Variants in PCCA observed in about 807,000 individuals in gnomAD.
The protein encoded by PCCA is propionyl-CoA carboxylase alpha chain, mitochondrial.
PCCA carries 74 observed loss-of-function variants against 101.3 expected under a neutral mutation model. That is an observed-to-expected ratio of 0.73 (90% CI 0.61 to 0.89). The LOEUF is 0.89. Ranked by LOEUF, PCCA falls within the 40% of genes least tolerant of loss-of-function variation. The pLI, the probability that PCCA is intolerant of heterozygous loss-of-function variation, is 0.00. For missense variants in PCCA, 891 were observed against 907.0 expected (o/e 0.98, Z 0.23); for synonymous variants, 294 against 313.6 (o/e 0.94, Z 0.66).
intron 12 of PCCA, among the ~76,000 whole-genome samples, chr13:100,278,153 CTAAG>C (rs1242082091): frequency 3.3e-5 from 5 of 152,120 alleles, no homozygotes; most frequent in African/African-American, 7.2e-5. Context: ...ATCTTTATAA[CTAAG>C]TATGTCTAAT....
Position 100,145,604 on chromosome 13 carries a change from C to G in PCCA, c.301-9375C>G, listed in dbSNP as rs185116788. Among the ~76,000 whole-genome samples the G allele has an allele frequency of 2.4e-3, 372 of 152,228 alleles. 5 individuals carry two copies. The highest frequency in any genetic ancestry group is 4.1e-3 in the Admixed American group (63 of 15,300). On this transcript the variant is annotated intron_variant, in intron 4 of 23. Transcript: ENST00000376285. ...AACGGTAGGGCGCAGTGGCTCACGC[C>G]TGTAATCCCAGCACTTTGGAAGGCC...
At chr13:100,114,430 C>A (rs916876511) in intron 4 of PCCA, among the ~76,000 whole-genome samples, 1 of 152,014 alleles carries the variant, frequency 6.6e-6, no homozygotes, top group Non-Finnish European at 1.5e-5. Context: ...TGGTGAAACC[C>A]TGTCTCTACT....
At chr13:100,175,938 C>T (rs1022609797) in intron 6 of PCCA, among the ~76,000 whole-genome samples, 1 of 152,120 alleles carries the variant, frequency 6.6e-6, no homozygotes. Flanking sequence ...CTGTGTTAGA[C>T]GTAAGATGTG....
At chr13:100,311,624 GC>G (rs2066922468) in intron 16 of PCCA, among the ~76,000 whole-genome samples, 1 of 152,030 alleles carries the variant, frequency 6.6e-6, no homozygotes, top group Non-Finnish European at 1.5e-5. Context: ...ACAAAAATTA[GC>G]CAGGCGTGGT....
At chr13:100,326,066 A>T (rs529825526) in intron 16 of PCCA, among the ~76,000 whole-genome samples, 1 of 152,300 alleles carries the variant, frequency 6.6e-6, no homozygotes, top group African/African-American at 2.4e-5. Context: ...ACCACTGAAG[A>T]TGCATTGTTG....
chr13:100,278,259 A>T (rs568150495), intron 12 of PCCA, among the ~76,000 whole-genome samples: 2 of 152,216 alleles, frequency 1.3e-5, no homozygotes, highest in Non-Finnish European at 2.9e-5. Context: ...GATTCTGAAG[A>T]CAATTTGAGA....
At chr13:100,351,465 A>G (rs1226806365) in intron 18 of PCCA, among the ~76,000 whole-genome samples, 1 of 152,136 alleles carries the variant, frequency 6.6e-6, no homozygotes, top group African/African-American at 2.4e-5. Context: ...AGATTTGATT[A>G]CTTGATTTTT....
intron 22 of PCCA, among the ~76,000 whole-genome samples, chr13:100,523,828 C>T (rs1194395874): frequency 6.6e-6 from 1 of 152,176 alleles, no homozygotes; most frequent in Non-Finnish European, 1.5e-5. Flanking sequence ...TTTGTAAGCC[C>T]AACATTGGAG....
At chr13:100,104,760 G>A (rs1361594662) in intron 2 of PCCA, among the ~76,000 whole-genome samples, 1 of 152,080 alleles carries the variant, frequency 6.6e-6, no homozygotes, top group African/African-American at 2.4e-5. Context: ...CTGTAGTGCA[G>A]TGGTGTGATC....
chr13:100,326,275 A>T (rs1177522440), intron 16 of PCCA, among the ~76,000 whole-genome samples: 1 of 152,198 alleles, frequency 6.6e-6, no homozygotes, highest in Non-Finnish European at 1.5e-5. Flanking sequence ...CCAAGAGCGG[A>T]TAGACACCAC....
intron 6 of PCCA, among the ~76,000 whole-genome samples, chr13:100,185,909 A>G (rs1410127514): frequency 6.6e-6 from 1 of 152,196 alleles, no homozygotes; most frequent in East Asian, 1.9e-4. Flanking sequence ...GGCCTCCCAA[A>G]GTGCTGGGAT....
At chr13:100,422,321 A>G (rs1394316252) in intron 19 of PCCA, among the ~76,000 whole-genome samples, 13 of 151,084 alleles carry the variant, frequency 8.6e-5, no homozygotes, top group Admixed American at 7.9e-4. Context: ...TTTTTTTTGT[A>G]GAGATGGGGT....
At chr13:100,348,776 CT>C (rs1566976441) in intron 18 of PCCA, among the ~76,000 whole-genome samples, 2,102 of 86,472 alleles carry the variant, frequency 0.024, 8 homozygotes, top group Non-Finnish European at 0.032. Context: ...TTCTTTCTTT[CT>C]TTCTTTCTTT....
At position 100,253,833 on chromosome 13, in the gene PCCA, T is replaced by C. The variant is rs1397435815; in HGVS notation, c.638-3762T>C. 2.0e-5 allele frequency among the ~76,000 whole-genome samples: 3 copies of C among 147,990 alleles called. No homozygotes were observed. In the East Asian group the frequency reaches 5.9e-4, roughly 29 times the overall value. ...AGGACCTGGAAGGTGAGGAAAAACT[T>C]GGGAAGGGCACTAGAGCCTGATTTT... On this transcript the variant is annotated intron_variant, in intron 8 of 23. Coordinates refer to ENST00000376285, the MANE Select transcript of PCCA (RefSeq NM_000282.4).
chr13:100,211,043 C>T (rs773223499), intron 7 of PCCA, among the ~76,000 whole-genome samples: 5 of 152,184 alleles, frequency 3.3e-5, no homozygotes, highest in Non-Finnish European at 7.3e-5. Flanking sequence ...TTTCTCTCTT[C>T]TGTGTCTTAA....
At chr13:100,501,074 G>A (rs1370560296) in intron 21 of PCCA, among the ~76,000 whole-genome samples, 1 of 152,066 alleles carries the variant, frequency 6.6e-6, no homozygotes, top group Non-Finnish European at 1.5e-5. Context: ...CCTGGGAGGC[G>A]GAGGTTGCAG....
intron 6 of PCCA, among the ~76,000 whole-genome samples, chr13:100,182,858 C>T (rs749328874): frequency 2.6e-4 from 40 of 152,122 alleles, no homozygotes; most frequent in African/African-American, 8.4e-4. Context: ...TTGCCACTCC[C>T]GTCTGTTCAG....
intron 22 of PCCA, among the ~76,000 whole-genome samples, chr13:100,520,647 AAAAAAAAAAAGAGTT>A (rs1566502956): frequency 6.6e-6 from 1 of 150,804 alleles, no homozygotes; most frequent in African/African-American, 2.5e-5. Flanking sequence ...AAAAAAAAAA[AAAAAAAAAAAGAGTT>A]GGTTTTTGTT....
At chr13:100,526,099 T>C (rs1294088161) in intron 22 of PCCA, among the ~76,000 whole-genome samples, 1 of 152,150 alleles carries the variant, frequency 6.6e-6, no homozygotes, top group Non-Finnish European at 1.5e-5. Context: ...TGCAGTGAAC[T>C]GGACCTGCTC....
Sources: allele counts gnomAD v4.1 joint callset (sites outside exome capture counted in the v4.1 genomes callset), GRCh38; gene constraint gnomAD v4.1.1; transcripts MANE v1.5; gene names NCBI Gene and HGNC (gene_info 2026-07-23, HGNC 2026-07-21).